The following KAZN variants were observed in gnomAD, a reference collection of about 807,000 sequenced individuals.
KAZN encodes kazrin, periplakin interacting protein.
Under a neutral mutation model 87.4 loss-of-function variants are expected in KAZN, and 40 were observed. The observed-to-expected ratio is 0.46, with a 90% CI of 0.36 to 0.60. The LOEUF (loss-of-function observed/expected upper bound fraction) is 0.60. KAZN is among the 20% of genes least tolerant of loss of function. The pLI is 0.00. For synonymous variants in KAZN, 466 were observed against 458.3 expected (o/e 1.02, Z -0.22); for missense variants, 898 against 1,073.9 (o/e 0.84, Z 2.29).
At chr1:14,329,996 AG>A (rs1201250713) in intron 2 of KAZN, among the ~76,000 whole-genome samples, 3 of 152,202 alleles carry the variant, frequency 2.0e-5, no homozygotes, top group Non-Finnish European at 4.4e-5. Context: ...TGCATTAATG[AG>A]GATAGGGTAT....
chr1:14,875,499 A>G (rs972295583), intron 1 of KAZN, among the ~76,000 whole-genome samples: 69 of 148,406 alleles, frequency 4.6e-4, no homozygotes, highest in Non-Finnish European at 9.0e-4. Flanking sequence ...AAAAAAAAAG[A>G]AAAAAGAAAA....
intron 2 of KAZN, among the ~76,000 whole-genome samples, chr1:14,305,616 A>G (rs1166847031): frequency 2.0e-5 from 3 of 152,102 alleles, no homozygotes; most frequent in Admixed American, 6.5e-5. Flanking sequence ...GCATATGGCT[A>G]TCTGAATTCT....
intron 8 of KAZN, among the ~76,000 whole-genome samples, chr1:15,076,494 G>A (rs1165215015): frequency 1.3e-5 from 2 of 152,150 alleles, no homozygotes; most frequent in Admixed American, 6.5e-5. Flanking sequence ...AAACATATTG[G>A]CTGTTGCAAA....
intron 2 of KAZN, among the ~76,000 whole-genome samples, chr1:14,544,350 C>CTTTCT (rs1553186409): frequency 1.7e-4 from 17 of 98,118 alleles, no homozygotes; most frequent in Non-Finnish European, 2.5e-4. Context: ...TTCTTTCTTT[C>CTTTCT]TTTTTTTTTT....
In KAZN at chr1:14,784,790, C is replaced by A. The variant is rs144184368; in HGVS notation, c.227-175894C>A. ...AAGTCATTCAAGTGACTACTCCAGA[C>A]CAGAGAAAGCTGCAAATTAACAAAG... On this transcript the variant is annotated intron_variant, in intron 1 of 14. Transcript: ENST00000376030. Among the ~76,000 whole-genome samples, 20 of 152,144 alleles carry A rather than the reference C, an allele frequency of 1.3e-4. No individual in the cohort carries two copies. The East Asian group carries it at 3.9e-3, about 29-fold the overall frequency.
At chr1:14,929,955 C>T (rs2101566550) in intron 1 of KAZN, 1 of 985,464 alleles carries the variant, frequency 1.0e-6, no homozygotes, top group African/African-American at 1.7e-5. Flanking sequence ...TGTGGCAATT[C>T]CCCAGAGCCC....
intron 1 of KAZN, among the ~76,000 whole-genome samples, chr1:14,175,581 G>A (rs189047159): frequency 2.6e-5 from 4 of 152,304 alleles, no homozygotes; most frequent in African/African-American, 9.6e-5. Context: ...AGGATAGAAC[G>A]AGTTGTACTG....
chr1:14,357,960 C>T (rs1659179170), intron 2 of KAZN, among the ~76,000 whole-genome samples: 2 of 152,194 alleles, frequency 1.3e-5, no homozygotes, highest in Admixed American at 1.3e-4. Flanking sequence ...GGAGAAGTCC[C>T]TCTTTTACTA....
chr1:14,340,888 C>CTT lies in KAZN; in HGVS notation c.249+160312_249+160313dup, dbSNP rs3085672. ...ATCTCCGTAAGGGTCATGATTTTCC[C>CTT]TTTTTTTTTTTTTTTTTGAGATGGA... is the stretch of plus-strand genomic sequence containing the variant. On this transcript the variant is annotated intron_variant, in intron 2 of 16. Transcript: ENST00000636203. 6.8e-5 allele frequency among the ~76,000 whole-genome samples: 7 copies of CTT among 103,160 alleles called. 2 individuals are homozygous for CTT. Among genetic ancestry groups the CTT allele is most frequent in the East Asian group, 3.0e-4 (1 of 3,292 alleles). 67.7% of individuals were successfully genotyped at this position (103,160 alleles called of 152,430 possible).
At chr1:14,243,202 AG>A (rs1649137823) in intron 2 of KAZN, among the ~76,000 whole-genome samples, 1 of 152,130 alleles carries the variant, frequency 6.6e-6, no homozygotes, top group Admixed American at 6.5e-5. Flanking sequence ...GGCTCTCTCC[AG>A]AAACCCAGCA....
intron 2 of KAZN, among the ~76,000 whole-genome samples, chr1:14,366,812 C>G (rs532763172): frequency 6.6e-6 from 1 of 152,344 alleles, no homozygotes; most frequent in Non-Finnish European, 1.5e-5. Context: ...CCAGCAAGGG[C>G]AGATGGTCAG....
At chr1:14,780,645 A>G (rs115633572) in intron 1 of KAZN, among the ~76,000 whole-genome samples, 4,522 of 152,332 alleles carry the variant, frequency 0.03, 223 homozygotes, top group African/African-American at 0.1. Context: ...TTCACAATTA[A>G]GACAAAGTAC....
intron 1 of KAZN, among the ~76,000 whole-genome samples, chr1:14,787,811 T>C (rs61772278): frequency 0.076 from 11,568 of 152,158 alleles, 498 homozygotes; most frequent in Middle Eastern, 0.14. Flanking sequence ...GAATCCGCAA[T>C]AGCCCAGGGA....
intron 2 of KAZN, among the ~76,000 whole-genome samples, chr1:14,307,799 G>C (rs1655028905): frequency 6.6e-6 from 1 of 152,140 alleles, no homozygotes; most frequent in Non-Finnish European, 1.5e-5. Context: ...AAATAGAGTG[G>C]ATACAGAGTT....
At chr1:14,553,569 A>G (rs751549012) in intron 2 of KAZN, among the ~76,000 whole-genome samples, 22 of 152,114 alleles carry the variant, frequency 1.4e-4, no homozygotes, top group Non-Finnish European at 2.9e-4. Flanking sequence ...CTTAGTCTCA[A>G]TGCATGGACG....
chr1:13,923,981 C>A (rs1448893173), intron 1 of KAZN, among the ~76,000 whole-genome samples: 1 of 151,818 alleles, frequency 6.6e-6, no homozygotes, highest in African/African-American at 2.4e-5. Context: ...GCCCGTCGGG[C>A]AGAGTGGCCT....
rs556047634 is a variant in KAZN at position 14,812,218 on chromosome 1, A to C, written c.227-148466A>C. ...CAGCCCTCTGTGACTACCTTGAGCA[A>C]ATTTGATGACACCCTGCCTCCAGGT... On this transcript the variant is annotated intron_variant, in intron 1 of 14. Coordinates refer to ENST00000376030, the MANE Select transcript of KAZN (RefSeq NM_201628.3). 3.3e-5 allele frequency among the ~76,000 whole-genome samples: 5 copies of C among 152,246 alleles called. No individual in the cohort carries two copies. In the South Asian group the frequency reaches 1.0e-3, roughly 32 times the overall value.
intron 2 of KAZN, among the ~76,000 whole-genome samples, chr1:14,419,575 G>C (rs1665189262): frequency 6.6e-6 from 1 of 152,208 alleles, no homozygotes; most frequent in Middle Eastern, 3.2e-3. Context: ...CAAGAACGAA[G>C]CCGTGGACCC....
chr1:14,894,811 A>C (rs953716318), intron 1 of KAZN, among the ~76,000 whole-genome samples: 2 of 152,268 alleles, frequency 1.3e-5, no homozygotes, highest in South Asian at 2.1e-4. Flanking sequence ...GTGCTATCAC[A>C]CCAAGGACGG....
Sources: allele counts gnomAD v4.1 joint callset (sites outside exome capture counted in the v4.1 genomes callset), GRCh38; gene constraint gnomAD v4.1.1; transcripts MANE v1.5; gene names NCBI Gene and HGNC (gene_info 2026-07-23, HGNC 2026-07-21).